The following SPATA13 variants were observed in gnomAD, a reference collection of about 807,000 sequenced individuals.
SPATA13 encodes spermatogenesis-associated protein 13.
A neutral mutation model predicts 104.0 loss-of-function variants in SPATA13; 50 were observed. The ratio of observed to expected loss-of-function variants is 0.48; its 90% CI spans 0.38 to 0.61. The LOEUF (loss-of-function observed/expected upper bound fraction) is 0.61. Among genes scored for constraint, SPATA13 ranks in the 20% least tolerant of loss-of-function variants. The probability of loss-of-function intolerance (pLI) is 0.00; values close to 1 mark genes in which losing one functional copy is unlikely to be tolerated. For missense variants in SPATA13, 1,524 were observed against 1,690.6 expected, an observed-to-expected ratio of 0.90 and a Z score of 1.73; for synonymous variants, 606 against 667.5, an observed-to-expected ratio of 0.91 and a Z score of 1.42.
rs1427565389 is a variant in SPATA13, at chr13:24,088,348, C to T, written c.-112+70647C>T. On this transcript the variant is annotated intron_variant, in intron 3 of 14. Transcript: ENST00000424834. The surrounding 1 kb of genome is among the most constrained non-coding windows in gnomAD (Gnocchi z 4.3). ...TAAAGCATCTGAATTGGGATTAGAA[C>T]ATAAACCCAGCTGACTTCAAGTTCT... Among the ~76,000 whole-genome samples, 2 of 152,190 alleles carry T rather than the reference C, an allele frequency of 1.3e-5. No homozygotes were observed. The highest frequency in any genetic ancestry group is 2.1e-4 in the South Asian group (1 of 4,830).
At chr13:24,199,167 G>A (rs7322365) in intron 1 of SPATA13, among the ~76,000 whole-genome samples, 1 of 151,890 alleles carries the variant, frequency 6.6e-6, no homozygotes, top group East Asian at 1.9e-4. Flanking sequence ...GGGATTACAG[G>A]CCTGAGCCAC....
At chr13:24,215,621 A>G (rs144804621) in intron 1 of SPATA13, among the ~76,000 whole-genome samples, 1 of 152,204 alleles carries the variant, frequency 6.6e-6, no homozygotes, top group South Asian at 2.1e-4. Context: ...TGCAACACAC[A>G]TATATGCTCT....
At chr13:24,183,503 G>A (rs1217938718) in intron 1 of SPATA13, among the ~76,000 whole-genome samples, 5 of 152,144 alleles carry the variant, frequency 3.3e-5, no homozygotes, top group African/African-American at 1.2e-4. Flanking sequence ...ATACAAGCTT[G>A]TCCAGCCCAC....
chr13:24,241,075 G>A (rs1186568017), intron 2 of SPATA13, among the ~76,000 whole-genome samples: 2 of 152,168 alleles, frequency 1.3e-5, no homozygotes, highest in Non-Finnish European at 2.9e-5. Context: ...GAAAAGGTTA[G>A]CTTAGTCACT....
At position 24,286,272 on chromosome 13, in the gene SPATA13, A is replaced by G. The variant is rs202004588; in HGVS notation, c.2360A>G (p.Asp787Gly). Reference sequence around the variant, plus strand: ...GCCCTGTGGGACCATGTGACCATGGATGACCAGGAACTGGGCTTCAAAGCC... The same window carrying G: ...GCCCTGTGGGACCATGTGACCATGGGTGACCAGGAACTGGGCTTCAAAGCC... ...AEALWDHVTMDDQELGFKAGD... is the reference protein window; with the variant it reads ...AEALWDHVTMGDQELGFKAGD... The change falls in exon 6 of 13, where the codon GAT becomes GGT. Residue 787 changes from aspartate (D) to glycine (G), a missense_variant. Around this residue, in one of 2 missense-constraint regions of SPATA13, gnomAD observed 1,089 missense variants for 1,135.9 expected, o/e 0.96. Coordinates refer to ENST00000382108, the MANE Select transcript of SPATA13 (RefSeq NM_001166271.3). This position sits in a 1 kb window ranked among gnomAD's most constrained non-coding sequence, Gnocchi z 4.9. The G allele has an allele frequency of 3.5e-5, 57 of 1,613,954 alleles. No individual in the cohort carries two copies. Among genetic ancestry groups the G allele is most frequent in the Non-Finnish European group, 3.8e-5 (45 of 1,180,056 alleles).
intron 3 of SPATA13, among the ~76,000 whole-genome samples, chr13:24,052,724 G>T (rs1352180575): frequency 6.9e-6 from 1 of 144,806 alleles, no homozygotes; most frequent in Non-Finnish European, 1.5e-5. Flanking sequence ...TTTATAAACA[G>T]AATATAAATA....
At chr13:24,104,846 T>C (rs1470925170) in intron 3 of SPATA13, among the ~76,000 whole-genome samples, 2 of 152,230 alleles carry the variant, frequency 1.3e-5, no homozygotes, top group Non-Finnish European at 2.9e-5. Context: ...TCCAGTTTTA[T>C]TCATGCTCAC....
chr13:24,037,264 A>G (rs1206820949), intron 3 of SPATA13, among the ~76,000 whole-genome samples: 1 of 151,098 alleles, frequency 6.6e-6, no homozygotes, highest in Non-Finnish European at 1.5e-5. Flanking sequence ...ATGACGAGTT[A>G]ATGGGTGCAG....
At chr13:24,107,413 G>A (rs1022593531) in intron 3 of SPATA13, among the ~76,000 whole-genome samples, 33 of 152,192 alleles carry the variant, frequency 2.2e-4, no homozygotes, top group Middle Eastern at 3.4e-3. Flanking sequence ...CCGAAAAATG[G>A]TTGCCAAATG....
At chr13:24,114,882 G>C (rs185816275) in intron 3 of SPATA13, among the ~76,000 whole-genome samples, 10 of 152,052 alleles carry the variant, frequency 6.6e-5, no homozygotes, top group African/African-American at 2.4e-4. Flanking sequence ...GGCTGGTCTC[G>C]AACTCCTGAC....
At position 24,203,800 on chromosome 13, in the gene SPATA13, A is replaced by G. The variant is rs185249593; in HGVS notation, c.-111-19019A>G. Among the ~76,000 whole-genome samples the G allele has an allele frequency of 4.6e-5, 7 of 152,330 alleles. No homozygotes were observed. The East Asian group carries it at 1.4e-3, about 29-fold the overall frequency. ...TTTTTGTAGTCTCTCCCACAGAAGG[A>G]TAAATTTACTTTGCAGACATCCAAA... On this transcript the variant is annotated intron_variant, in intron 1 of 12. Coordinates refer to ENST00000382108, the MANE Select transcript of SPATA13 (RefSeq NM_001166271.3).
intron 2 of SPATA13, among the ~76,000 whole-genome samples, chr13:24,244,099 C>T (rs1212082532): frequency 6.6e-6 from 1 of 152,204 alleles, no homozygotes; most frequent in Non-Finnish European, 1.5e-5. Context: ...TGGCAACTGG[C>T]CTTCCTTGGT....
At chr13:24,098,578 T>G (rs9553173) in intron 3 of SPATA13, among the ~76,000 whole-genome samples, 1 of 140,858 alleles carries the variant, frequency 7.1e-6, no homozygotes, top group Non-Finnish European at 1.5e-5. Context: ...GCCTAGGAGA[T>G]AGAGTGAGAC....
chr13:24,300,784 C>T (rs1877128405), intron 12 of SPATA13, among the ~76,000 whole-genome samples: 1 of 152,200 alleles, frequency 6.6e-6, no homozygotes. Context: ...ATGGTGTTAG[C>T]CACAAGGTCA....
At position 24,290,745 on chromosome 13, in the gene SPATA13, C is replaced by T. The variant is rs947302803; in HGVS notation, c.2941C>T (p.His981Tyr). ...CCTCATGAAGCAGGGCAAGTACAGA[C>T]ATTTCTTTGAAGCCTGCCGCCTGCT... ...ANLMKQGKYR[H>Y]FFEACRLLQQ... is the part of the protein sequence containing the mutation. The change falls in exon 9 of 13, where the codon CAT becomes TAT. Residue 981 changes from histidine (H) to tyrosine (Y), a missense_variant. His to Tyr is a moderately conservative substitution (Grantham distance 83). This residue lies in a region of SPATA13 where 435 missense variants were observed against 554.8 expected (regional missense o/e 0.78). Coordinates refer to ENST00000382108, the MANE Select transcript of SPATA13 (RefSeq NM_001166271.3). 1.2e-6 allele frequency: 2 copies of T among 1,614,220 alleles called. No individual in the cohort carries two copies. The highest frequency in any genetic ancestry group is 1.7e-6 in the Non-Finnish European group (2 of 1,180,038).
chr13:24,177,219 A>T (rs1306752179), intron 1 of SPATA13, among the ~76,000 whole-genome samples: 1 of 152,094 alleles, frequency 6.6e-6, no homozygotes, highest in African/African-American at 2.4e-5. Flanking sequence ...GTTACTTTTA[A>T]CAATTAAGAA....
At chr13:24,053,873 G>A (rs1878449125) in intron 3 of SPATA13, among the ~76,000 whole-genome samples, 1 of 152,220 alleles carries the variant, frequency 6.6e-6, no homozygotes, top group East Asian at 1.9e-4. Flanking sequence ...ATGCCATGAA[G>A]TAGGAATTCA....
intron 3 of SPATA13, among the ~76,000 whole-genome samples, chr13:24,038,231 A>G (rs1877788029): frequency 6.6e-6 from 1 of 152,186 alleles, no homozygotes; most frequent in Admixed American, 6.5e-5. Context: ...TAGATTTTTA[A>G]CAAATATATA....
Position 24,160,919 on chromosome 13 carries a change from A to T in SPATA13, c.-125A>T. ...CGCTGACTTTGTAGGCTCCGCCAAG[A>T]GGCGCCGCAGGAGGTAAGACGGCTT... is the stretch of plus-strand genomic sequence containing the variant. On this transcript the variant is annotated 5_prime_UTR_variant, in exon 1 of 13. Coordinates refer to ENST00000382108, the MANE Select transcript of SPATA13 (RefSeq NM_001166271.3). 3.0e-6 allele frequency: 3 copies of T among 985,514 alleles called. No homozygotes were observed. In the African/African-American group the frequency reaches 5.2e-5, roughly 17 times the overall value. 61.0% of individuals were successfully genotyped at this position (985,514 alleles called of 1,614,324 possible). A position where few individuals can be genotyped will look rare whatever the true frequency, so the allele number is the denominator to read the frequency against.
Sources: allele counts gnomAD v4.1 joint callset (sites outside exome capture counted in the v4.1 genomes callset), GRCh38; gene constraint gnomAD v4.1.1; regional missense constraint gnomAD v4.1.1; non-coding constraint Gnocchi (gnomAD v3.1); transcripts MANE v1.5; gene names NCBI Gene and HGNC (gene_info 2026-07-23, HGNC 2026-07-21).